The following ALPK1 variants were observed in gnomAD, a reference collection of about 807,000 sequenced individuals.
ALPK1 encodes alpha kinase 1.
A neutral mutation model predicts 120.6 loss-of-function variants in ALPK1; 110 were observed. The ratio of observed to expected loss-of-function variants is 0.91; its 90% CI spans 0.78 to 1.07. The LOEUF is 1.07. Among genes scored for constraint, ALPK1 ranks in the 50% least tolerant of loss-of-function variants. The pLI is 0.00. For missense variants in ALPK1, 1,498 were observed against 1,483.9 expected (o/e 1.01, Z -0.16); for synonymous variants, 582 against 560.3 (o/e 1.04, Z -0.55).
chr4:112,377,976 A>G, intron 3 of ALPK1, 78 bp downstream of exon 3: 1 of 1,427,712 alleles, frequency 7.0e-7, no homozygotes, highest in Non-Finnish European at 9.3e-7. Context: ...ACACGTTCTT[A>G]TCTCTGCCCT....
intron 13 of ALPK1, among the ~76,000 whole-genome samples, chr4:112,439,383 C>T (rs1560691635): frequency 6.6e-6 from 1 of 152,174 alleles, no homozygotes; most frequent in South Asian, 2.1e-4. Context: ...TCCTGGTAAC[C>T]TAGCCTCCAG....
intron 6 of ALPK1, 37 bp downstream of exon 6, chr4:112,424,040 C>T (rs1734121916): frequency 6.3e-7 from 1 of 1,578,366 alleles, no homozygotes; most frequent in Non-Finnish European, 8.7e-7. Flanking sequence ...ACTTTTACCT[C>T]AGCCCCGAAC....
chr4:112,355,443 G>A (rs1305300749), intron 2 of ALPK1, among the ~76,000 whole-genome samples: 2 of 152,192 alleles, frequency 1.3e-5, no homozygotes, highest in African/African-American at 4.8e-5. Flanking sequence ...GGGCTATCAG[G>A]ATCCAGGTTC....
chr4:112,373,647 G>A (rs1037579636), intron 2 of ALPK1, among the ~76,000 whole-genome samples: 3 of 152,106 alleles, frequency 2.0e-5, no homozygotes, highest in African/African-American at 7.2e-5. Context: ...ATCCTACTTG[G>A]GAGGTTGAGG....
chr4:112,422,862 C>G (rs1466858012), intron 5 of ALPK1, among the ~76,000 whole-genome samples: 1 of 152,244 alleles, frequency 6.6e-6, no homozygotes, highest in African/African-American at 2.4e-5. Context: ...GCGGCCTCAG[C>G]TTCCTCAGAG....
Position 112,431,335 on chromosome 4 carries a change from G to A in ALPK1, c.1788G>A (p.Glu596=), listed in dbSNP as rs374487049. Residue 596 remains glutamate (E), a synonymous_variant, in exon 11 of 16, where the codon GAG becomes GAA. Transcript: ENST00000650871. ...GGTTTAGTTCCTCTGCAAGCTGGGA[G>A]GAAGTGAATTATCACGTTGACGACA... The part of the protein sequence containing the change: ...LSGFSSSASW[E]EVNYHVDDRS... 14 of 1,614,072 alleles carry A rather than the reference G, an allele frequency of 8.7e-6. No homozygotes were observed. The highest frequency in any genetic ancestry group is 2.7e-5 in the African/African-American group (2 of 74,932).
chr4:112,430,942 G>T lies in ALPK1; in HGVS notation c.1395G>T (p.Ser465=). The T allele has an allele frequency of 6.2e-7, 1 of 1,614,020 alleles. No homozygotes were observed. ...ILDTYSQHHT[S]VCEVFESDCG... ...ACACCTATTCACAGCACCATACTTC[G>T]GTGTGTGAAGTATTTGAAAGTGATT... Residue 465 remains serine, a synonymous_variant, in exon 11 of 16, where the codon TCG becomes TCT. Coordinates refer to ENST00000650871, the MANE Select transcript of ALPK1 (RefSeq NM_025144.4).
At chr4:112,370,092 GAA>G (rs1731334778) in intron 2 of ALPK1, among the ~76,000 whole-genome samples, 1 of 152,132 alleles carries the variant, frequency 6.6e-6, no homozygotes, top group Non-Finnish European at 1.5e-5. Context: ...ATTGTCCAGT[GAA>G]AAAGACTCAA....
chr4:112,398,288 A>T (rs1056976394), intron 4 of ALPK1, among the ~76,000 whole-genome samples: 1 of 152,008 alleles, frequency 6.6e-6, no homozygotes, highest in African/African-American at 2.4e-5. Context: ...ACAGACTTAA[A>T]TTTTTTTAAT....
At chr4:112,355,313 T>A (rs1164557893) in intron 2 of ALPK1, among the ~76,000 whole-genome samples, 1 of 152,204 alleles carries the variant, frequency 6.6e-6, no homozygotes, top group Non-Finnish European at 1.5e-5. Context: ...GTTTCAAGTC[T>A]GCCTTGCTGT....
intron 4 of ALPK1, chr4:112,382,778 G>A (rs961113069): frequency 1.3e-5 from 7 of 559,650 alleles, no homozygotes; most frequent in Non-Finnish European, 1.9e-5. Context: ...AGAGTGGTCA[G>A]TGAGTCTAAC....
chr4:112,298,267 GTCTC>G (rs139030128), intron 1 of ALPK1, among the ~76,000 whole-genome samples: 8 of 150,918 alleles, frequency 5.3e-5, no homozygotes, highest in Non-Finnish European at 1.2e-4. Context: ...CTCTCTCTCT[GTCTC>G]TCTCTCTCTC....
chr4:112,306,454 A>T (rs1728062731), intron 1 of ALPK1, among the ~76,000 whole-genome samples: 2 of 151,990 alleles, frequency 1.3e-5, no homozygotes, highest in Admixed American at 1.3e-4. Flanking sequence ...TCAGGGATTC[A>T]ACTTCTTCCT....
intron 2 of ALPK1, among the ~76,000 whole-genome samples, chr4:112,345,775 T>C (rs1730074841): frequency 6.6e-6 from 1 of 152,240 alleles, no homozygotes; most frequent in Non-Finnish European, 1.5e-5. Context: ...AATTTACATC[T>C]TTAATTTCTC....
intron 1 of ALPK1, among the ~76,000 whole-genome samples, chr4:112,307,276 G>A (rs574003077): frequency 2.2e-4 from 34 of 151,574 alleles, no homozygotes; most frequent in Non-Finnish European, 2.7e-4. Context: ...TCCGCTTGGT[G>A]CAGAGCTGAG....
At chr4:112,360,901 G>A (rs1204037735) in intron 2 of ALPK1, among the ~76,000 whole-genome samples, 1 of 152,046 alleles carries the variant, frequency 6.6e-6, no homozygotes, top group Non-Finnish European at 1.5e-5. Context: ...TATGTCTTTG[G>A]TGTTCCATGG....
chr4:112,325,683 G>A (rs1420622298), intron 2 of ALPK1, among the ~76,000 whole-genome samples: 10 of 152,144 alleles, frequency 6.6e-5, no homozygotes, highest in Non-Finnish European at 1.5e-4. Flanking sequence ...TGTCCTGGAT[G>A]CCTTCCAGTC....
chr4:112,436,833 G>A (rs1159352555), intron 12 of ALPK1, among the ~76,000 whole-genome samples: 1 of 152,128 alleles, frequency 6.6e-6, no homozygotes, highest in Non-Finnish European at 1.5e-5. Context: ...TACCATAGGA[G>A]GACCTGAGAT....
intron 4 of ALPK1, among the ~76,000 whole-genome samples, chr4:112,401,847 A>G (rs930314357): frequency 3.3e-5 from 5 of 152,172 alleles, no homozygotes; most frequent in Non-Finnish European, 7.4e-5. Flanking sequence ...GCTTACAACT[A>G]TTTTTCAGAA....
Sources: allele counts gnomAD v4.1 joint callset (sites outside exome capture counted in the v4.1 genomes callset), GRCh38; gene constraint gnomAD v4.1.1; transcripts MANE v1.5; gene names NCBI Gene and HGNC (gene_info 2026-07-23, HGNC 2026-07-21).